Variants in DMBX1 observed in about 807,000 individuals in gnomAD.
DMBX1 encodes diencephalon/mesencephalon homeobox protein 1.
A neutral mutation model predicts 30.4 loss-of-function variants in DMBX1; 7 were observed. The ratio of observed to expected loss-of-function variants is 0.23; its 90% CI spans 0.13 to 0.43. The LOEUF is 0.43. DMBX1 is among the 20% of genes least tolerant of loss of function. DMBX1 has a pLI of 1.00. For missense variants in DMBX1, 460 were observed against 508.5 expected (o/e 0.90, Z 0.92); for synonymous variants, 222 against 214.2 (o/e 1.04, Z -0.32).
chr1:46,503,079 C>T (rs2148486053), intron 2 of DMBX1, among the ~76,000 whole-genome samples: 1 of 152,372 alleles, frequency 6.6e-6, no homozygotes, highest in East Asian at 1.9e-4. Flanking sequence ...ACCTCCTTCA[C>T]CTGCTCCCTC....
At chr1:46,509,410 A>T (rs1666308351) in intron 3 of DMBX1, among the ~76,000 whole-genome samples, 1 of 152,086 alleles carries the variant, frequency 6.6e-6, no homozygotes, top group Admixed American at 6.6e-5. Flanking sequence ...CATTCCCTGG[A>T]GGGCGGGGGA....
chr1:46,510,353 C>A lies in DMBX1; in HGVS notation c.155-123C>A. On this transcript the variant is annotated intron_variant, in intron 3 of 5. Transcript: ENST00000360032. This position sits in a 1 kb window ranked among gnomAD's most constrained non-coding sequence, Gnocchi z 4.1. Reference sequence around the variant, plus strand: ...TGGCTGATTTCTAAGGGTAAGGGACCAGGGCCAGCTCTGGCAGCAGCCTGG... The same window carrying A: ...TGGCTGATTTCTAAGGGTAAGGGACAAGGGCCAGCTCTGGCAGCAGCCTGG... 3 of 1,260,840 alleles carry A rather than the reference C, an allele frequency of 2.4e-6. No individual in the cohort carries two copies. The highest frequency in any genetic ancestry group is 2.5e-5 in the East Asian group (1 of 39,376). 78.1% of individuals were successfully genotyped at this position (1,260,840 alleles called of 1,614,324 possible). A position where few individuals can be genotyped will look rare whatever the true frequency, so the allele number is the denominator to read the frequency against.
rs1237430273 is a variant in DMBX1, at chr1:46,515,499, C to T, written c.*3005C>T. Among the ~76,000 whole-genome samples the T allele has an allele frequency of 5.3e-5, 8 of 152,230 alleles. No homozygotes were observed. The highest frequency in any genetic ancestry group is 8.8e-5 in the Non-Finnish European group (6 of 68,044). On this transcript the variant is annotated 3_prime_UTR_variant, in exon 6 of 6. Coordinates refer to ENST00000360032, the MANE Select transcript of DMBX1 (RefSeq NM_172225.2). ...AGCTTCCCTCAGATGTTTGTTAACA[C>T]TTGTCCCATTCAATTGACCCAAATC...
rs542115162 is a variant in DMBX1, at chr1:46,516,009, C to T, written c.*3515C>T. Among the ~76,000 whole-genome samples, 87 of 152,294 alleles carry T rather than the reference C, an allele frequency of 5.7e-4. No homozygotes were observed. The highest frequency in any genetic ancestry group is 3.4e-3 in the Middle Eastern group (1 of 294). ...ATTTGTGCTTAGAGGTCGTGCCAGCCCATGGCAAAGACACTGTGTACTGTA... is the reference window on the plus strand; with the variant it reads ...ATTTGTGCTTAGAGGTCGTGCCAGCTCATGGCAAAGACACTGTGTACTGTA... On this transcript the variant is annotated 3_prime_UTR_variant, in exon 6 of 6. Coordinates refer to ENST00000360032, the MANE Select transcript of DMBX1 (RefSeq NM_172225.2).
chr1:46,499,087 G>C (rs550440323), intron 2 of DMBX1, among the ~76,000 whole-genome samples: 3 of 151,744 alleles, frequency 2.0e-5, no homozygotes, highest in African/African-American at 7.3e-5. Context: ...TGTCACCCAG[G>C]CTGCAGTGGC....
rs756420639 is a variant in DMBX1, at chr1:46,510,437, G to A, written c.155-39G>A. ...AAAGCTATTTCCCATAATTAAATGG[G>A]CCCCCTCTCCTTGCCCTCCAACGGC... On this transcript the variant is annotated intron_variant, in intron 3 of 5. Transcript: ENST00000360032. This position sits in a 1 kb window ranked among gnomAD's most constrained non-coding sequence, Gnocchi z 4.1. The A allele has an allele frequency of 3.7e-6, 6 of 1,600,638 alleles. No homozygotes were observed. The highest frequency in any genetic ancestry group is 1.7e-5 in the Admixed American group (1 of 58,972).
At chr1:46,494,591 G>T (rs1665993810) in intron 2 of DMBX1, among the ~76,000 whole-genome samples, 1 of 152,178 alleles carries the variant, frequency 6.6e-6, no homozygotes, top group African/African-American at 2.4e-5. Flanking sequence ...CGGGACCCTG[G>T]AACTCTCCCA....
intron 2 of DMBX1, among the ~76,000 whole-genome samples, chr1:46,502,063 G>A (rs1383933574): frequency 1.3e-5 from 2 of 152,190 alleles, no homozygotes; most frequent in Non-Finnish European, 2.9e-5. Context: ...TGAGGTTATG[G>A]TTATGGTGTG....
rs764935584 is a variant in DMBX1, at chr1:46,507,183, G to A, written c.154+19G>A. 1.2e-6 allele frequency: 2 copies of A among 1,613,588 alleles called. No homozygotes were observed. The highest frequency in any genetic ancestry group is 2.2e-5 in the East Asian group (1 of 44,888). On this transcript the variant is annotated intron_variant, in intron 3 of 5. Transcript: ENST00000360032. The stretch of plus-strand genomic sequence containing the variant: ...CTGGCTGGTAAGGGCCCTGGGGATG[G>A]GACCATGGGGACAGGACTGTGGGGG...
intron 2 of DMBX1, among the ~76,000 whole-genome samples, chr1:46,494,651 A>T (rs1336744454): frequency 6.6e-6 from 1 of 151,848 alleles, no homozygotes; most frequent in Non-Finnish European, 1.5e-5. Flanking sequence ...CCAAGAGGGG[A>T]GGTGAGAATC....
At position 46,493,346 on chromosome 1, in the gene DMBX1, T is replaced by G. The variant is rs957710020; in HGVS notation, c.-13+2563T>G. On this transcript the variant is annotated intron_variant, in intron 2 of 5. Coordinates refer to ENST00000360032, the MANE Select transcript of DMBX1 (RefSeq NM_172225.2). The surrounding 1 kb of genome is among the most constrained non-coding windows in gnomAD (Gnocchi z 4.1). Reference sequence around the variant, plus strand: ...ACCTTGAGCGAGTCTCAGTTTCCCTTTCTGTAAGAAGGGCACCGAGCTGGG... The same window carrying G: ...ACCTTGAGCGAGTCTCAGTTTCCCTGTCTGTAAGAAGGGCACCGAGCTGGG... 2.0e-5 allele frequency among the ~76,000 whole-genome samples: 3 copies of G among 152,192 alleles called. No individual in the cohort carries two copies. The highest frequency in any genetic ancestry group is 7.2e-5 in the African/African-American group (3 of 41,446).
intron 2 of DMBX1, among the ~76,000 whole-genome samples, chr1:46,498,848 G>C (rs1424051648): frequency 6.6e-6 from 1 of 152,102 alleles, no homozygotes; most frequent in African/African-American, 2.4e-5. Flanking sequence ...CACTGACAAG[G>C]GTCCCTCTAT....
In DMBX1 at chr1:46,511,210, G is replaced by A. The variant is rs1376469782; in HGVS notation, c.609G>A (p.Glu203=). ...AGGAGGACCCCAGGGCAGGGGCTGA[G>A]GACCCCAAAGCTGAGAAGAGCCCTG... ...DREEDPRAGA[E]DPKAEKSPGA... is the part of the protein sequence containing the mutation. The change falls in exon 5 of 6, where the codon GAG becomes GAA. Residue 203 remains glutamate (E), a synonymous_variant. Coordinates refer to ENST00000360032, the MANE Select transcript of DMBX1 (RefSeq NM_172225.2). The A allele has an allele frequency of 6.2e-7, 1 of 1,613,194 alleles. No homozygotes were observed. The highest frequency in any genetic ancestry group is 1.1e-5 in the South Asian group (1 of 91,006).
chr1:46,510,552 G>C lies in DMBX1; in HGVS notation c.231G>C (p.Gln77His). The C allele has an allele frequency of 6.2e-7, 1 of 1,614,166 alleles. No individual in the cohort carries two copies. The change falls in exon 4 of 6, where the codon CAG becomes CAC. Residue 77 changes from glutamine (Q) to histidine (H), a missense_variant. Physicochemically the swap from Gln to His is conservative, Grantham distance 24. Transcript: ENST00000360032. This position sits in a 1 kb window ranked among gnomAD's most constrained non-coding sequence, Gnocchi z 4.1. Reference protein sequence around the residue: ...RRSRTAFTAQQLEALEKTFQK... With the variant: ...RRSRTAFTAQHLEALEKTFQK... ...GCCGCACAGCGTTCACGGCTCAGCA[G>C]CTCGAGGCCCTGGAAAAGACCTTCC...
At chr1:46,507,608 A>G (rs1003314639) in intron 3 of DMBX1, among the ~76,000 whole-genome samples, 8 of 152,154 alleles carry the variant, frequency 5.3e-5, no homozygotes, top group Non-Finnish European at 1.0e-4. Context: ...GCACTGTGGG[A>G]GTCTCTCTCT....
rs552939473 is a variant in DMBX1, at chr1:46,493,799, G to A, written c.-13+3016G>A. ...AGTGTGCAGAGCAGGAGCCGCAACC[G>A]CGCTTTCTGCGCCCGCAGGACAGAC... is the stretch of plus-strand genomic sequence containing the variant. On this transcript the variant is annotated intron_variant, in intron 2 of 5. Coordinates refer to ENST00000360032, the MANE Select transcript of DMBX1 (RefSeq NM_172225.2). The surrounding 1 kb of genome is among the most constrained non-coding windows in gnomAD (Gnocchi z 4.1). Among the ~76,000 whole-genome samples the A allele has an allele frequency of 3.4e-4, 52 of 152,356 alleles. No homozygotes were observed. The highest frequency in any genetic ancestry group is 1.2e-3 in the African/African-American group (50 of 41,582).
At position 46,510,712 on chromosome 1, in the gene DMBX1, C is replaced by A; in HGVS notation, c.333+58C>A. ...GACAAACACCAGCCCATCAGTCTGC[C>A]CGCTTGTCCAGGAGCCAGCATGTCA... On this transcript the variant is annotated intron_variant, in intron 4 of 5. Coordinates refer to ENST00000360032, the MANE Select transcript of DMBX1 (RefSeq NM_172225.2). This position sits in a 1 kb window ranked among gnomAD's most constrained non-coding sequence, Gnocchi z 4.1. 1 of 1,563,992 alleles carries A rather than the reference C, an allele frequency of 6.4e-7. No homozygotes were observed. Among genetic ancestry groups the A allele is most frequent in the Non-Finnish European group, 8.7e-7 (1 of 1,152,882 alleles).
In DMBX1 at chr1:46,512,292, A is replaced by C. The variant is rs762944858; in HGVS notation, c.932A>C (p.His311Pro). 1.2e-6 allele frequency: 2 copies of C among 1,613,518 alleles called. No individual in the cohort carries two copies. The change falls in exon 6 of 6, where the codon CAC becomes CCC. Residue 311 changes from histidine (H) to proline (P), a missense_variant. Physicochemically the swap from His to Pro is moderately conservative, Grantham distance 77 (BLOSUM62 -2). Around this residue, in one of 3 missense-constraint regions of DMBX1, gnomAD observed 334 missense variants for 345.1 expected, o/e 0.97. Transcript: ENST00000360032. This position sits in a 1 kb window ranked among gnomAD's most constrained non-coding sequence, Gnocchi z 4.8. ...GVNMAPLGSL[H>P]CQSYYQSLSA... is the part of the protein sequence containing the mutation. ...AACATGGCCCCGCTGGGCTCACTGCACTGCCAGTCCTACTACCAGTCCCTG... is the reference window on the plus strand; with the variant it reads ...AACATGGCCCCGCTGGGCTCACTGCCCTGCCAGTCCTACTACCAGTCCCTG...
At chr1:46,508,677 C>T (rs1666287600) in intron 3 of DMBX1, among the ~76,000 whole-genome samples, 1 of 152,142 alleles carries the variant, frequency 6.6e-6, no homozygotes. Context: ...GGTGTTCAGC[C>T]CACCCCCAAC....
Sources: gnomAD v4.1 joint callset for allele counts (sites outside exome capture counted in the v4.1 genomes callset) on GRCh38, gnomAD v4.1.1 for gene constraint, gnomAD v4.1.1 regional missense constraint, Gnocchi (gnomAD v3.1) non-coding constraint, MANE v1.5 for transcripts, NCBI Gene and HGNC (gene_info 2026-07-23, HGNC 2026-07-21) for gene names.